SEPTIN9: variants seen among roughly 807,000 people sequenced by gnomAD.
SEPTIN9 encodes the protein septin-9.
SEPTIN9 carries 13 observed loss-of-function variants against 56.6 expected under a neutral mutation model. That is an observed-to-expected ratio of 0.23 (90% CI 0.15 to 0.37). The LOEUF (loss-of-function observed/expected upper bound fraction) is 0.37, where lower values mean the gene tolerates loss of function less well. Ranked by LOEUF, SEPTIN9 falls within the 10% of genes least tolerant of loss-of-function variation. The probability of loss-of-function intolerance (pLI) is 1.00; values close to 1 mark genes in which losing one functional copy is unlikely to be tolerated. For missense variants in SEPTIN9, 650 were observed against 823.1 expected (o/e 0.79, Z 2.57); for synonymous variants, 332 against 334.1 (o/e 0.99, Z 0.07).
At chr17:77,328,037 C>T (rs2033211734) in intron 2 of SEPTIN9, among the ~76,000 whole-genome samples, 1 of 151,032 alleles carries the variant, frequency 6.6e-6, no homozygotes, top group African/African-American at 2.4e-5. Flanking sequence ...TCCAGGGCAT[C>T]CCCATGCCCA....
rs74353413 is a variant in SEPTIN9 at position 77,326,779 on chromosome 17, C to T, written c.76+19582C>T. Among the ~76,000 whole-genome samples, 51 of 152,282 alleles carry T rather than the reference C, an allele frequency of 3.3e-4. No individual in the cohort carries two copies. The highest frequency in any genetic ancestry group is 5.0e-4 in the Non-Finnish European group (34 of 68,022). On this transcript the variant is annotated intron_variant, in intron 2 of 11. Coordinates refer to ENST00000427177, the MANE Select transcript of SEPTIN9 (RefSeq NM_001113491.2). This position sits in a 1 kb window ranked among gnomAD's most constrained non-coding sequence, Gnocchi z 5.1. Reference sequence around the variant, plus strand: ...AGAATCACAAGGTTCAGCACCACCCCGCAACCTCCAGGTAGGGGAGAGGGG... The same window carrying T: ...AGAATCACAAGGTTCAGCACCACCCTGCAACCTCCAGGTAGGGGAGAGGGG...
chr17:77,334,853 A>G (rs1410052699), intron 2 of SEPTIN9, among the ~76,000 whole-genome samples: 1 of 152,162 alleles, frequency 6.6e-6, no homozygotes, highest in African/African-American at 2.4e-5. Context: ...TTCTATACTC[A>G]TATCCAGTTC....
chr17:77,450,901 C>T lies in SEPTIN9; in HGVS notation c.722-31243C>T, dbSNP rs2037939424. ...AAACCCAGGTGGCTGTGTTCCAGCC[C>T]TGGCTGCAGGTCTGAATGGCTTTCT... is the stretch of plus-strand genomic sequence containing the variant. On this transcript the variant is annotated intron_variant, in intron 3 of 11. Coordinates refer to ENST00000427177, the MANE Select transcript of SEPTIN9 (RefSeq NM_001113491.2). The surrounding 1 kb of genome is among the most constrained non-coding windows in gnomAD (Gnocchi z 6.0). 1.3e-6 allele frequency: 1 copy of T among 745,450 alleles called. No individual in the cohort carries two copies. Among genetic ancestry groups the T allele is most frequent in the Non-Finnish European group, 1.6e-6 (1 of 610,988 alleles). 46.2% of individuals were successfully genotyped at this position (745,450 alleles called of 1,614,324 possible).
At chr17:77,407,206 A>ATGGGAGGTTGAGGC (rs1354465796) in intron 3 of SEPTIN9, among the ~76,000 whole-genome samples, 5 of 138,540 alleles carry the variant, frequency 3.6e-5, no homozygotes, top group Admixed American at 7.8e-5. Flanking sequence ...CCACCTAAGC[A>ATGGGAGGTTGAGGC]TGGGAGGTTG....
At position 77,296,503 on chromosome 17, in the gene SEPTIN9, A is replaced by C. The variant is rs552201250; in HGVS notation, c.20-10638A>C. On this transcript the variant is annotated intron_variant, in intron 1 of 11. Transcript: ENST00000427177. ...AACAGACAGGCAGACAAATGGATAGATAGATGATAGATAGCCAGGCAGGCA... is the reference window on the plus strand; with the variant it reads ...AACAGACAGGCAGACAAATGGATAGCTAGATGATAGATAGCCAGGCAGGCA... Among the ~76,000 whole-genome samples, 9 of 152,208 alleles carry C rather than the reference A, an allele frequency of 5.9e-5. No individual in the cohort carries two copies. The East Asian group carries it at 1.7e-3, about 29-fold the overall frequency.
chr17:77,305,028 C>G (rs888436624), intron 1 of SEPTIN9, among the ~76,000 whole-genome samples: 2 of 152,170 alleles, frequency 1.3e-5, no homozygotes, highest in African/African-American at 4.8e-5. Flanking sequence ...GCCATCTCTC[C>G]TGGTCTTAAG....
intron 4 of SEPTIN9, chr17:77,482,730 C>G (rs879811088): frequency 1.7e-6 from 1 of 589,034 alleles, no homozygotes; most frequent in Admixed American, 3.0e-5. Context: ...CGCACCCCGG[C>G]CAGAGGCTTC....
chr17:77,376,307 C>T lies in SEPTIN9; in HGVS notation c.77-25752C>T. 5 of 986,080 alleles carry T rather than the reference C, an allele frequency of 5.1e-6. No homozygotes were observed. In the South Asian group the frequency reaches 2.3e-4, roughly 46 times the overall value. 61.1% of individuals were successfully genotyped at this position (986,080 alleles called of 1,614,324 possible). A position where few individuals can be genotyped will look rare whatever the true frequency, so the allele number is the denominator to read the frequency against. On this transcript the variant is annotated intron_variant, in intron 2 of 11. Coordinates refer to ENST00000427177, the MANE Select transcript of SEPTIN9 (RefSeq NM_001113491.2). ...AGTGCAGCTGGTCCACGGGAAGCATCTGGAGTGGCTGGGAATGGGCGCAGG... is the reference window on the plus strand; with the variant it reads ...AGTGCAGCTGGTCCACGGGAAGCATTTGGAGTGGCTGGGAATGGGCGCAGG...
In SEPTIN9 at chr17:77,319,361, A is replaced by G. The variant is rs1598185915; in HGVS notation, c.76+12164A>G. On this transcript the variant is annotated intron_variant, in intron 2 of 11. Coordinates refer to ENST00000427177, the MANE Select transcript of SEPTIN9 (RefSeq NM_001113491.2). The surrounding 1 kb of genome is among the most constrained non-coding windows in gnomAD (Gnocchi z 5.3). ...CCCCGGATGAACAGTGGGGAACAGCACTGATCCCCCAGTGGGGCCCCGAGT... is the reference window on the plus strand; with the variant it reads ...CCCCGGATGAACAGTGGGGAACAGCGCTGATCCCCCAGTGGGGCCCCGAGT... 1.3e-5 allele frequency among the ~76,000 whole-genome samples: 2 copies of G among 152,200 alleles called. No individual in the cohort carries two copies. The highest frequency in any genetic ancestry group is 2.4e-5 in the African/African-American group (1 of 41,462).
At chr17:77,485,989 GT>G (rs771902397) in intron 4 of SEPTIN9, among the ~76,000 whole-genome samples, 1 of 151,856 alleles carries the variant, frequency 6.6e-6, no homozygotes, top group Non-Finnish European at 1.5e-5. Context: ...TAATTTTTGT[GT>G]TTTTTGGTAG....
At chr17:77,416,635 G>T (rs1446913074) in intron 3 of SEPTIN9, among the ~76,000 whole-genome samples, 1 of 152,206 alleles carries the variant, frequency 6.6e-6, no homozygotes, top group Non-Finnish European at 1.5e-5. Context: ...TGCTTGTGTG[G>T]CTTGGGGGTC....
chr17:77,355,446 C>CA (rs975437605), intron 2 of SEPTIN9, among the ~76,000 whole-genome samples: 1 of 152,208 alleles, frequency 6.6e-6, no homozygotes, highest in African/African-American at 2.4e-5. Flanking sequence ...GGGAGGCTGT[C>CA]AAGATTCTGC....
At chr17:77,415,745 G>A (rs1226110536) in intron 3 of SEPTIN9, among the ~76,000 whole-genome samples, 2 of 152,272 alleles carry the variant, frequency 1.3e-5, no homozygotes, top group East Asian at 1.9e-4. Flanking sequence ...CCTGTCTGGA[G>A]CTGACGTGCG....
At chr17:77,387,753 C>G (rs1016623729) in intron 2 of SEPTIN9, among the ~76,000 whole-genome samples, 1 of 152,160 alleles carries the variant, frequency 6.6e-6, no homozygotes, top group Non-Finnish European at 1.5e-5. Context: ...AGGCGGCTGT[C>G]CCTGCCACAC....
intron 3 of SEPTIN9, among the ~76,000 whole-genome samples, chr17:77,447,861 G>A (rs2037800726): frequency 1.3e-5 from 2 of 152,202 alleles, no homozygotes; most frequent in Admixed American, 6.5e-5. Flanking sequence ...CTGACCTCAG[G>A]CAATGTGCTC....
intron 1 of SEPTIN9, among the ~76,000 whole-genome samples, chr17:77,285,194 C>T (rs1218949883): frequency 6.6e-6 from 1 of 152,040 alleles, no homozygotes; most frequent in Non-Finnish European, 1.5e-5. Flanking sequence ...ACTGTACCCG[C>T]CCTGGCTCTC....
intron 2 of SEPTIN9, among the ~76,000 whole-genome samples, chr17:77,342,974 C>G (rs2033779698): frequency 6.9e-6 from 1 of 145,590 alleles, no homozygotes. Context: ...GACTCTGTCT[C>G]AAAAATCAAT....
rs781043462 is a variant in SEPTIN9, at chr17:77,451,914, C to T, written c.722-30230C>T. The stretch of plus-strand genomic sequence containing the variant: ...AGGGCCAGGAAGAAATTCGAATTGG[C>T]CACCGCTTTCTCTAAAATCACTCCG... On this transcript the variant is annotated intron_variant, in intron 3 of 11. Transcript: ENST00000427177. This position sits in a 1 kb window ranked among gnomAD's most constrained non-coding sequence, Gnocchi z 4.2. Among the ~76,000 whole-genome samples the T allele has an allele frequency of 6.6e-6, 1 of 152,186 alleles. No homozygotes were observed. The highest frequency in any genetic ancestry group is 1.5e-5 in the Non-Finnish European group (1 of 68,036).
rs1291974176 is a variant in SEPTIN9, at chr17:77,318,471, T to G, written c.76+11274T>G. Among the ~76,000 whole-genome samples the G allele has an allele frequency of 6.6e-6, 1 of 152,074 alleles. No individual in the cohort carries two copies. Among genetic ancestry groups the G allele is most frequent in the African/African-American group, 2.4e-5 (1 of 41,418 alleles). Reference sequence around the variant, plus strand: ...TTCCAAACAAGGTCCCATTTGCAGGTCTAGGGATTAGGACATGCTATCCCT... The same window carrying G: ...TTCCAAACAAGGTCCCATTTGCAGGGCTAGGGATTAGGACATGCTATCCCT... On this transcript the variant is annotated intron_variant, in intron 2 of 11. Transcript: ENST00000427177. The surrounding 1 kb of genome is among the most constrained non-coding windows in gnomAD (Gnocchi z 4.9).
Sources: allele counts gnomAD v4.1 joint callset (sites outside exome capture counted in the v4.1 genomes callset), GRCh38; gene constraint gnomAD v4.1.1; non-coding constraint Gnocchi (gnomAD v3.1); transcripts MANE v1.5; gene names NCBI Gene and HGNC (gene_info 2026-07-23, HGNC 2026-07-21).